CCDC85A: variants seen among roughly 807,000 people sequenced by gnomAD.
The protein encoded by CCDC85A is coiled-coil domain containing 85A.
In CCDC85A, 38 loss-of-function variants were observed where a neutral mutation model predicts 50.2. The ratio of observed to expected loss-of-function variants is 0.76; its 90% CI spans 0.58 to 0.99. The LOEUF is 0.99. Among genes scored for constraint, CCDC85A ranks in the 50% least tolerant of loss-of-function variants. CCDC85A has a pLI of 0.00. For synonymous variants in CCDC85A, 366 were observed against 301.4 expected (o/e 1.21, Z -2.22); for missense variants, 820 against 742.0 (o/e 1.11, Z -1.22).
chr2:56,278,602 C>G (rs1455240612), intron 2 of CCDC85A, among the ~76,000 whole-genome samples: 1 of 151,986 alleles, frequency 6.6e-6, no homozygotes, highest in African/African-American at 2.4e-5. Flanking sequence ...GAGATGGAGT[C>G]TCTCTCTGTT....
At chr2:56,254,682 A>G (rs1001735947) in intron 2 of CCDC85A, among the ~76,000 whole-genome samples, 1 of 152,174 alleles carries the variant, frequency 6.6e-6, no homozygotes, top group Non-Finnish European at 1.5e-5. Context: ...CCAACAAATA[A>G]ATAACACTGA....
In CCDC85A at chr2:56,383,836, G is replaced by T. The variant is rs2104412145; in HGVS notation, c.1573-430G>T. ...TAGGAACCAGGATGATCTTGCCAAG[G>T]TGTTCTTAATTCTGGCTACACATTA... On this transcript the variant is annotated intron_variant, in intron 5 of 5. Transcript: ENST00000407595. 1.5e-5 allele frequency: 12 copies of T among 825,302 alleles called. No individual in the cohort carries two copies. In the South Asian group the frequency reaches 6.6e-4, roughly 46 times the overall value. The allele number at this position is 825,302 out of a possible 1,614,324, so 51.1% of individuals were successfully genotyped here.
intron 2 of CCDC85A, among the ~76,000 whole-genome samples, chr2:56,289,873 T>TAA (rs61411879): frequency 9.9e-5 from 15 of 152,072 alleles, no homozygotes; most frequent in African/African-American, 3.6e-4. Flanking sequence ...AAGTATGATA[T>TAA]CTTTGTCAGA....
Position 56,312,710 on chromosome 2 carries a change from T to A in CCDC85A, c.1241-30169T>A, listed in dbSNP as rs539676676. 6.4e-4 allele frequency among the ~76,000 whole-genome samples: 98 copies of A among 152,272 alleles called. 3 individuals carry two copies. In the South Asian group the frequency reaches 0.019, roughly 30 times the overall value. ...TTTGAACATCTACTTTATAAAATGA[T>A]TTTTAAGGATTTTAACTTGGCAAAA... On this transcript the variant is annotated intron_variant, in intron 2 of 5. Coordinates refer to ENST00000407595, the MANE Select transcript of CCDC85A (RefSeq NM_001080433.2).
intron 2 of CCDC85A, among the ~76,000 whole-genome samples, chr2:56,238,244 C>T (rs533138590): frequency 2.0e-5 from 3 of 152,012 alleles, no homozygotes; most frequent in East Asian, 1.9e-4. Flanking sequence ...GGCAAAACCC[C>T]GTCTCTACTA....
At chr2:56,319,945 A>G (rs973584671) in intron 2 of CCDC85A, among the ~76,000 whole-genome samples, 8 of 152,214 alleles carry the variant, frequency 5.3e-5, no homozygotes, top group African/African-American at 1.9e-4. Context: ...TGTCTCTCAG[A>G]CCACAGGGCA....
At chr2:56,223,139 A>G (rs1338204045) in intron 2 of CCDC85A, among the ~76,000 whole-genome samples, 1 of 152,194 alleles carries the variant, frequency 6.6e-6, no homozygotes, top group Non-Finnish European at 1.5e-5. Context: ...ACTGAAATAA[A>G]TATAAACTAT....
At chr2:56,331,461 C>T (rs777529432) in intron 2 of CCDC85A, among the ~76,000 whole-genome samples, 12 of 152,150 alleles carry the variant, frequency 7.9e-5, no homozygotes, top group Non-Finnish European at 1.3e-4. Context: ...GTTGTTTACA[C>T]TAAAAGCTCA....
chr2:56,364,899 C>T (rs1363220874), intron 3 of CCDC85A, among the ~76,000 whole-genome samples: 1 of 152,098 alleles, frequency 6.6e-6, no homozygotes, highest in Non-Finnish European at 1.5e-5. Flanking sequence ...AACTTCATCC[C>T]AGGTAGTCTG....
intron 1 of CCDC85A, among the ~76,000 whole-genome samples, chr2:56,187,108 C>T (rs2103808339): frequency 6.6e-6 from 1 of 152,240 alleles, no homozygotes; most frequent in Middle Eastern, 3.4e-3. Flanking sequence ...CTTCCTTGGA[C>T]ACCATAGTAA....
rs532962218 is a variant in CCDC85A at position 56,332,510 on chromosome 2, C to T, written c.1241-10369C>T. Among the ~76,000 whole-genome samples the T allele has an allele frequency of 3.3e-5, 5 of 152,226 alleles. No homozygotes were observed. In the South Asian group the frequency reaches 1.0e-3, roughly 32 times the overall value. ...TCATGAGTTAGCCATCTCTTAAGGG[C>T]TCCGTCTCTTAATACCCTCACCTTG... On this transcript the variant is annotated intron_variant, in intron 2 of 5. Coordinates refer to ENST00000407595, the MANE Select transcript of CCDC85A (RefSeq NM_001080433.2).
intron 2 of CCDC85A, among the ~76,000 whole-genome samples, chr2:56,305,282 A>C (rs566187629): frequency 6.6e-6 from 1 of 152,344 alleles, no homozygotes; most frequent in African/African-American, 2.4e-5. Context: ...TTAGTTTAGC[A>C]AATACAGAAT....
At chr2:56,247,060 T>A (rs1416659223) in intron 2 of CCDC85A, among the ~76,000 whole-genome samples, 1 of 152,202 alleles carries the variant, frequency 6.6e-6, no homozygotes, top group Non-Finnish European at 1.5e-5. Flanking sequence ...AAGATTCAGA[T>A]GTTTTGCACT....
At chr2:56,350,752 CTT>C (rs373522130) in intron 3 of CCDC85A, among the ~76,000 whole-genome samples, 7 of 129,022 alleles carry the variant, frequency 5.4e-5, no homozygotes, top group African/African-American at 5.7e-5. Context: ...GAGACCTTTC[CTT>C]TTTTTTTTTT....
intron 5 of CCDC85A, among the ~76,000 whole-genome samples, chr2:56,380,569 A>C (rs1676536351): frequency 6.6e-6 from 1 of 151,792 alleles, no homozygotes; most frequent in East Asian, 1.9e-4. Context: ...CAAAAAAAAA[A>C]ACAACAACAA....
At chr2:56,255,052 G>C (rs561038481) in intron 2 of CCDC85A, among the ~76,000 whole-genome samples, 1 of 152,140 alleles carries the variant, frequency 6.6e-6, no homozygotes, top group Admixed American at 6.6e-5. Flanking sequence ...TTCCCTCTCT[G>C]AGCATTGCTG....
intron 2 of CCDC85A, among the ~76,000 whole-genome samples, chr2:56,299,246 C>T (rs548900923): frequency 1.3e-5 from 2 of 152,024 alleles, no homozygotes; most frequent in Non-Finnish European, 2.9e-5. Flanking sequence ...ATAACTGCAG[C>T]AATATTCTTG....
chr2:56,269,886 T>G (rs924005860), intron 2 of CCDC85A, among the ~76,000 whole-genome samples: 3 of 152,212 alleles, frequency 2.0e-5, no homozygotes. Flanking sequence ...CTATCCACAT[T>G]AGCTTTGCTG....
intron 3 of CCDC85A, among the ~76,000 whole-genome samples, chr2:56,346,365 A>G (rs984219745): frequency 1.3e-5 from 2 of 152,190 alleles, no homozygotes; most frequent in Non-Finnish European, 2.9e-5. Flanking sequence ...GCTTGGGCCC[A>G]TGTTTTATAC....
Sources: gnomAD v4.1 joint callset for allele counts (sites outside exome capture counted in the v4.1 genomes callset) on GRCh38, gnomAD v4.1.1 for gene constraint, MANE v1.5 for transcripts, NCBI Gene and HGNC (gene_info 2026-07-23, HGNC 2026-07-21) for gene names.